Variants in RANBP2 observed in about 807,000 individuals in gnomAD.
The protein encoded by RANBP2 is E3 SUMO-protein ligase RanBP2.
In RANBP2, 57 loss-of-function variants were observed where a neutral mutation model predicts 303.6. The observed-to-expected ratio is 0.19, with a 90% CI of 0.15 to 0.23. The LOEUF is 0.23. RANBP2 is among the 10% of genes least tolerant of loss of function. RANBP2 has a pLI of 1.00. For synonymous variants in RANBP2, 1,167 were observed against 1,301.5 expected, an observed-to-expected ratio of 0.90 and a Z score of 2.23; for missense variants, 3,138 against 3,780.8, an observed-to-expected ratio of 0.83 and a Z score of 4.46.
chr2:109,089,770 T>C, the RANBP2 span, among the ~76,000 whole-genome samples: 1 of 152,148 alleles, frequency 6.6e-6, no homozygotes, highest in Non-Finnish European at 1.5e-5. Flanking sequence ...TGGGAGGTCA[T>C]TTCCTGAGGA....
chr2:108,739,987 C>CA (rs201160038), intron 6 of RANBP2, among the ~76,000 whole-genome samples: 7,187 of 129,378 alleles, frequency 0.056, 453 homozygotes, highest in African/African-American at 0.16. Flanking sequence ...GACTCCGTCT[C>CA]AAAAAAAAAA....
At chr2:109,663,582 T>G in the RANBP2 span, among the ~76,000 whole-genome samples, 3 of 152,232 alleles carry the variant, frequency 2.0e-5, no homozygotes, top group Non-Finnish European at 4.4e-5. Flanking sequence ...TCATTTTAAA[T>G]TCCCTTACTG....
the RANBP2 span, among the ~76,000 whole-genome samples, chr2:108,815,079 G>T: frequency 1.3e-5 from 2 of 152,000 alleles, no homozygotes; most frequent in Non-Finnish European, 2.9e-5. Flanking sequence ...AAATTACTTT[G>T]TTATTTTACT....
chr2:108,842,794 AC>A, the RANBP2 span, among the ~76,000 whole-genome samples: 3 of 152,254 alleles, frequency 2.0e-5, no homozygotes, highest in Non-Finnish European at 2.9e-5. Context: ...AGTCCAACTT[AC>A]ATTTAAAATG....
the RANBP2 span, among the ~76,000 whole-genome samples, chr2:109,374,718 A>G: frequency 1.3e-5 from 2 of 152,228 alleles, no homozygotes; most frequent in African/African-American, 2.4e-5. Flanking sequence ...CTTGGATTGC[A>G]TGAAGGTCTC....
chr2:109,543,140 C>G, the RANBP2 span: 1 of 152,492 alleles, frequency 6.6e-6, no homozygotes, highest in African/African-American at 2.4e-5. Flanking sequence ...AATGCAAATA[C>G]CACCTGAAAT....
the RANBP2 span, chr2:109,615,963 GA>G: frequency 6.3e-7 from 1 of 1,581,826 alleles, no homozygotes; most frequent in South Asian, 1.2e-5. Flanking sequence ...CAGGGACCCA[GA>G]GCAGCCGCTG....
chr2:109,098,105 T>C, the RANBP2 span, among the ~76,000 whole-genome samples: 1 of 152,140 alleles, frequency 6.6e-6, no homozygotes, highest in Non-Finnish European at 1.5e-5. Context: ...TCCTCAGGAC[T>C]CTATCACAGT....
At chr2:109,299,050 T>C in the RANBP2 span, among the ~76,000 whole-genome samples, 1 of 152,180 alleles carries the variant, frequency 6.6e-6, no homozygotes, top group Non-Finnish European at 1.5e-5. Context: ...GGTCACCTGC[T>C]TCAGCCACAC....
the RANBP2 span, chr2:109,545,424 C>T: frequency 1.3e-6 from 2 of 1,536,030 alleles, no homozygotes; most frequent in East Asian, 2.4e-5. Flanking sequence ...CCACATGCTA[C>T]TCATGGCTGC....
the RANBP2 span, chr2:109,613,671 C>T: frequency 3.3e-6 from 2 of 599,064 alleles, no homozygotes; most frequent in Non-Finnish European, 4.7e-6. Flanking sequence ...GAGCACTGGG[C>T]GGGCGGGGCC....
At chr2:108,910,668 T>A in the RANBP2 span, 1 of 1,435,660 alleles carries the variant, frequency 7.0e-7, no homozygotes, top group Non-Finnish European at 9.8e-7. Context: ...AAGCACAGTA[T>A]GGTTCAGCAT....
the RANBP2 span, chr2:109,564,681 T>C: frequency 1.5e-6 from 1 of 657,784 alleles, no homozygotes; most frequent in Non-Finnish European, 2.3e-6. Context: ...GATTATTTTA[T>C]ACATGTAACC....
chr2:109,744,035 C>T, the RANBP2 span, among the ~76,000 whole-genome samples: 5 of 101,340 alleles, frequency 4.9e-5, no homozygotes, highest in African/African-American at 1.4e-4. Context: ...TTGATGGGCA[C>T]CTAAGTTGAT....
the RANBP2 span, among the ~76,000 whole-genome samples, chr2:108,823,341 C>CT: frequency 2.0e-5 from 3 of 152,208 alleles, no homozygotes; most frequent in African/African-American, 7.2e-5. Flanking sequence ...CAATAAAAAA[C>CT]TATTGACTAA....
intron 25 of RANBP2, among the ~76,000 whole-genome samples, chr2:108,778,290 C>G (rs1173323543): frequency 2.0e-5 from 3 of 152,212 alleles, no homozygotes; most frequent in Non-Finnish European, 4.4e-5. Context: ...CTTCTCACTA[C>G]CACTTGTCAT....
the RANBP2 span, chr2:109,502,963 CAG>C: frequency 1.3e-5 from 2 of 152,202 alleles, no homozygotes; most frequent in Non-Finnish European, 2.9e-5. Context: ...ACAAGGAGAT[CAG>C]GGGGTTGCAG....
At chr2:109,088,668 C>A in the RANBP2 span, among the ~76,000 whole-genome samples, 1 of 151,988 alleles carries the variant, frequency 6.6e-6, no homozygotes, top group Admixed American at 6.5e-5. Context: ...TGCACCACCA[C>A]ACCTGGCTAA....
chr2:109,190,389 G>T, the RANBP2 span, among the ~76,000 whole-genome samples: 3 of 152,218 alleles, frequency 2.0e-5, no homozygotes, highest in African/African-American at 7.2e-5. Flanking sequence ...GGCCAGGCTG[G>T]TCTCAAATTC....
Sources: gnomAD v4.1 joint callset for allele counts (sites outside exome capture counted in the v4.1 genomes callset) on GRCh38, gnomAD v4.1.1 for gene constraint, MANE v1.5 for transcripts, NCBI Gene and HGNC (gene_info 2026-07-23, HGNC 2026-07-21) for gene names.